The following RPH3AL variants were observed in gnomAD, a reference collection of about 807,000 sequenced individuals.
RPH3AL encodes rabphilin 3A like (without C2 domains).
In RPH3AL, 38 loss-of-function variants were observed where a neutral mutation model predicts 43.1. The ratio of observed to expected loss-of-function variants is 0.88; its 90% CI spans 0.68 to 1.15. RPH3AL has a LOEUF of 1.15. Among genes scored for constraint, RPH3AL ranks in the 50% most tolerant of loss-of-function variants. RPH3AL has a pLI of 0.00. For missense variants in RPH3AL, 462 were observed against 423.2 expected (o/e 1.09, Z -0.81); for synonymous variants, 189 against 176.3 (o/e 1.07, Z -0.57).
At chr17:237,836 T>C (rs1382891098) in intron 7 of RPH3AL, among the ~76,000 whole-genome samples, 1 of 152,054 alleles carries the variant, frequency 6.6e-6, no homozygotes, top group Non-Finnish European at 1.5e-5. Context: ...TCAGTCACAA[T>C]TGAGAAAGGC....
chr17:307,331 A>G lies in RPH3AL; in HGVS notation c.351+12089T>C, dbSNP rs369110151. Among the ~76,000 whole-genome samples, 92 of 42,758 alleles carry G rather than the reference A, an allele frequency of 2.2e-3. 1 individual carries two copies. Among genetic ancestry groups the G allele is most frequent in the East Asian group, 0.012 (19 of 1,568 alleles). 28.1% of individuals were successfully genotyped at this position (42,758 alleles called of 152,430 possible). A position where few individuals can be genotyped will look rare whatever the true frequency, so the allele number is the denominator to read the frequency against. ...GTCCTCCCCACGGCAGGTCCTCCCCACGGCAGGTCCTCCCCGCGGCAGGTC... is the reference window on the plus strand; with the variant it reads ...GTCCTCCCCACGGCAGGTCCTCCCCGCGGCAGGTCCTCCCCGCGGCAGGTC... On this transcript the variant is annotated intron_variant, in intron 5 of 9. Transcript: ENST00000331302.
At chr17:237,249 C>T (rs2041421059) in intron 7 of RPH3AL, among the ~76,000 whole-genome samples, 1 of 152,250 alleles carries the variant, frequency 6.6e-6, no homozygotes, top group Non-Finnish European at 1.5e-5. Flanking sequence ...TTTGTAAAAT[C>T]TGTCTAACAT....
At chr17:297,956 C>G (rs2043223067) in intron 5 of RPH3AL, among the ~76,000 whole-genome samples, 1 of 152,164 alleles carries the variant, frequency 6.6e-6, no homozygotes, top group African/African-American at 2.4e-5. Context: ...GCAAACTTCC[C>G]TCCCTGGCCC....
At chr17:312,087 T>A (rs2043659376) in intron 5 of RPH3AL, among the ~76,000 whole-genome samples, 1 of 152,054 alleles carries the variant, frequency 6.6e-6, no homozygotes, top group South Asian at 2.1e-4. Context: ...GAGGATTGCT[T>A]GAGGGCTAGT....
intron 7 of RPH3AL, among the ~76,000 whole-genome samples, chr17:220,016 A>C (rs62059563): frequency 0.23 from 35,148 of 151,500 alleles, 4,807 homozygotes; most frequent in Non-Finnish European, 0.3. Context: ...CCACATGACA[A>C]CCCCTGTTCT....
intron 6 of RPH3AL, among the ~76,000 whole-genome samples, chr17:250,155 G>A (rs376277669): frequency 0.012 from 1,383 of 119,084 alleles, 1 homozygote; most frequent in Middle Eastern, 0.028. Context: ...AAGCTCCATC[G>A]CTGCGGGACC....
chr17:293,279 G>A (rs924530847), intron 5 of RPH3AL, among the ~76,000 whole-genome samples: 28 of 152,334 alleles, frequency 1.8e-4, no homozygotes, highest in African/African-American at 5.3e-4. Flanking sequence ...TTACCACTGC[G>A]TCCCGAGTGG....
chr17:241,880 C>T (rs1224267689), intron 7 of RPH3AL, among the ~76,000 whole-genome samples: 6 of 151,984 alleles, frequency 3.9e-5, no homozygotes, highest in Non-Finnish European at 1.5e-5. Flanking sequence ...CTTTGGGAGG[C>T]CGAGGCAGGT....
At chr17:258,924 C>T (rs936139601) in intron 6 of RPH3AL, among the ~76,000 whole-genome samples, 60 of 151,994 alleles carry the variant, frequency 3.9e-4, no homozygotes, top group African/African-American at 1.4e-3. Flanking sequence ...CCATGCCCGG[C>T]GAAGTCAACC....
chr17:338,631 GCT>G (rs2045023795), intron 1 of RPH3AL: 1 of 152,196 alleles, frequency 6.6e-6, no homozygotes, highest in African/African-American at 2.4e-5. Flanking sequence ...CGGGCACCTG[GCT>G]TGGGACGGGC....
At chr17:232,514 C>G (rs2041252363) in intron 7 of RPH3AL, among the ~76,000 whole-genome samples, 2 of 152,180 alleles carry the variant, frequency 1.3e-5, no homozygotes, top group South Asian at 4.1e-4. Context: ...CCTGAGAAGA[C>G]CAAGGCCGAC....
rs1567631104 is a variant in RPH3AL, at chr17:304,950, AGGGGG to A, written c.351+14465_351+14469del. Among the ~76,000 whole-genome samples, 24 of 40,362 alleles carry A rather than the reference AGGGGG, an allele frequency of 5.9e-4. 2 individuals carry two copies. The East Asian group carries it at 0.012, about 20-fold the overall frequency. 26.5% of individuals were successfully genotyped at this position (40,362 alleles called of 152,430 possible). A position where few individuals can be genotyped will look rare whatever the true frequency, so the allele number is the denominator to read the frequency against. On this transcript the variant is annotated intron_variant, in intron 5 of 9. Transcript: ENST00000331302. Reference sequence around the variant, plus strand: ...CAGGGCGAGAGGGGGACAGGGCGAGAGGGGGACAGGGCGAGAGGGGGACAGGGCGG... The same window carrying A: ...CAGGGCGAGAGGGGGACAGGGCGAGAACAGGGCGAGAGGGGGACAGGGCGG...
At chr17:310,937 C>T (rs981305787) in intron 5 of RPH3AL, among the ~76,000 whole-genome samples, 1 of 152,160 alleles carries the variant, frequency 6.6e-6, no homozygotes, top group African/African-American at 2.4e-5. Flanking sequence ...GGGGCAGTGC[C>T]TCTGCGATCA....
Position 331,985 on chromosome 17 carries a change from T to C in RPH3AL, c.-37+1774A>G, listed in dbSNP as rs1007406457. 8 of 821,004 alleles carry C rather than the reference T, an allele frequency of 9.7e-6. No individual in the cohort carries two copies. In the Admixed American group the frequency reaches 1.9e-4, roughly 20 times the overall value. The allele number at this position is 821,004 out of a possible 1,614,324, so 50.9% of individuals were successfully genotyped here. A position where few individuals can be genotyped will look rare whatever the true frequency, so the allele number is the denominator to read the frequency against. ...CCAAATTCAGGAGGGAGGATGGAAT[T>C]GGCCTGGGGAGCAGAGGCAGGAGGT... is the stretch of plus-strand genomic sequence containing the variant. On this transcript the variant is annotated intron_variant, in intron 2 of 9. Coordinates refer to ENST00000331302, the MANE Select transcript of RPH3AL (RefSeq NM_006987.4).
rs868402094 is a variant in RPH3AL at position 288,479 on chromosome 17, A to G, written c.352-6625T>C. On this transcript the variant is annotated intron_variant, in intron 5 of 9. Coordinates refer to ENST00000331302, the MANE Select transcript of RPH3AL (RefSeq NM_006987.4). ...CACCCTCTCTCCACCGTCAGACCTCACACCCTCTCTCCACCGTCAGACCTC... is the reference window on the plus strand; with the variant it reads ...CACCCTCTCTCCACCGTCAGACCTCGCACCCTCTCTCCACCGTCAGACCTC... Among the ~76,000 whole-genome samples the G allele has an allele frequency of 3.9e-3, 22 of 5,580 alleles. 1 individual carries two copies. Among genetic ancestry groups the G allele is most frequent in the African/African-American group, 0.014 (20 of 1,434 alleles). The allele number at this position is 5,580 out of a possible 152,430, so 3.7% of individuals were successfully genotyped here. A position where few individuals can be genotyped will look rare whatever the true frequency, so the allele number is the denominator to read the frequency against.
At position 283,153 on chromosome 17, in the gene RPH3AL, G is replaced by A. The variant is rs1228157241; in HGVS notation, c.352-1299C>T. The stretch of plus-strand genomic sequence containing the variant: ...GAAGCCACCCGGTCCCTGCGTGGGT[G>A]GGGGCTCTCTGCAGCCCCCCGCCGA... On this transcript the variant is annotated intron_variant, in intron 5 of 9. Coordinates refer to ENST00000331302, the MANE Select transcript of RPH3AL (RefSeq NM_006987.4). This position sits in a 1 kb window ranked among gnomAD's most constrained non-coding sequence, Gnocchi z 4.2. Among the ~76,000 whole-genome samples, 1 of 110,256 alleles carries A rather than the reference G, an allele frequency of 9.1e-6. No individual in the cohort carries two copies. The highest frequency in any genetic ancestry group is 9.0e-5 in the Admixed American group (1 of 11,152). The allele number at this position is 110,256 out of a possible 152,430, so 72.3% of individuals were successfully genotyped here.
At chr17:318,094 G>A (rs1431325995) in intron 5 of RPH3AL, among the ~76,000 whole-genome samples, 3 of 152,070 alleles carry the variant, frequency 2.0e-5, no homozygotes, top group African/African-American at 7.2e-5. Context: ...TTAAAACCAT[G>A]ACTAGCAGCC....
chr17:281,506 G>C (rs12949507), intron 6 of RPH3AL, among the ~76,000 whole-genome samples: 1 of 151,350 alleles, frequency 6.6e-6, no homozygotes. Flanking sequence ...CCGAAACCTC[G>C]GACTCTCCCA....
chr17:298,518 G>A (rs539330969), intron 5 of RPH3AL, among the ~76,000 whole-genome samples: 22 of 148,830 alleles, frequency 1.5e-4, no homozygotes, highest in Admixed American at 2.7e-4. Flanking sequence ...TCAATACAGC[G>A]AAACCCCATC....
Sources: gnomAD v4.1 joint callset for allele counts (sites outside exome capture counted in the v4.1 genomes callset) on GRCh38, gnomAD v4.1.1 for gene constraint, Gnocchi (gnomAD v3.1) non-coding constraint, MANE v1.5 for transcripts, NCBI Gene and HGNC (gene_info 2026-07-23, HGNC 2026-07-21) for gene names.